ZEB1: variants seen among roughly 807,000 people sequenced by gnomAD.
ZEB1 encodes zinc finger E-box binding homeobox 1.
ZEB1 carries 21 observed loss-of-function variants against 84.9 expected under a neutral mutation model. The ratio of observed to expected loss-of-function variants is 0.25; its 90% CI spans 0.18 to 0.36. ZEB1 has a LOEUF of 0.36. Among genes scored for constraint, ZEB1 ranks in the 10% least tolerant of loss-of-function variants. The probability of loss-of-function intolerance (pLI) is 1.00; values close to 1 mark genes in which losing one functional copy is unlikely to be tolerated. For missense variants in ZEB1, 1,104 were observed against 1,330.2 expected (o/e 0.83, Z 2.65); for synonymous variants, 420 against 471.1 (o/e 0.89, Z 1.41).
intron 1 of ZEB1, chr10:31,355,295 A>C (rs185537274): frequency 6.6e-6 from 1 of 152,252 alleles, no homozygotes; most frequent in South Asian, 2.1e-4. Flanking sequence ...GCTGTATACT[A>C]TGCTGCATTT....
intron 1 of ZEB1, among the ~76,000 whole-genome samples, chr10:31,421,175 T>C (rs564922608): frequency 1.3e-5 from 2 of 152,196 alleles, no homozygotes; most frequent in East Asian, 1.9e-4. Context: ...GCATGGATGA[T>C]TGGGAGAACC....
chr10:31,324,822 C>A (rs997934607), intron 1 of ZEB1, among the ~76,000 whole-genome samples: 2 of 151,922 alleles, frequency 1.3e-5, no homozygotes, highest in African/African-American at 4.8e-5. Flanking sequence ...GTACATATTA[C>A]TGGCTAAATA....
chr10:31,371,392 T>G lies in ZEB1; in HGVS notation c.58+52100T>G, dbSNP rs112462691. 2.7e-4 allele frequency among the ~76,000 whole-genome samples: 41 copies of G among 152,350 alleles called. No individual in the cohort carries two copies. In the South Asian group the frequency reaches 7.5e-3, roughly 28 times the overall value. ...TTTCATTTGACTAAGGAATTTATCT[T>G]TGGTCTTCTCCCAGAGTGAGGACAT... On this transcript the variant is annotated intron_variant, in intron 1 of 8. Transcript: ENST00000424869.
intron 6 of ZEB1, among the ~76,000 whole-genome samples, chr10:31,519,408 A>G (rs569602812): frequency 3.9e-4 from 59 of 152,312 alleles, no homozygotes; most frequent in Middle Eastern, 6.8e-3. Flanking sequence ...CTACTTTGAC[A>G]GTGCGTGGCT....
intron 2 of ZEB1, among the ~76,000 whole-genome samples, chr10:31,462,096 G>A (rs964603727): frequency 2.0e-5 from 3 of 152,200 alleles, no homozygotes; most frequent in Admixed American, 6.5e-5. Context: ...CAAAGAGGTC[G>A]TCTAGACAAG....
intron 1 of ZEB1, among the ~76,000 whole-genome samples, chr10:31,410,585 G>A (rs1408783830): frequency 2.6e-5 from 4 of 152,156 alleles, no homozygotes; most frequent in African/African-American, 7.2e-5. Flanking sequence ...AATGGTAGCA[G>A]CTCCTTTTTG....
At chr10:31,329,558 A>G (rs1031114290) in intron 1 of ZEB1, among the ~76,000 whole-genome samples, 5 of 152,176 alleles carry the variant, frequency 3.3e-5, no homozygotes, top group Non-Finnish European at 5.9e-5. Flanking sequence ...TTAAGAGTAC[A>G]GTTATAGTAC....
chr10:31,444,665 T>C (rs1362494872), intron 1 of ZEB1, among the ~76,000 whole-genome samples: 1 of 152,018 alleles, frequency 6.6e-6, no homozygotes, highest in Non-Finnish European at 1.5e-5. Context: ...ATTTGTTAAA[T>C]AGGGAATCCT....
chr10:31,509,366 C>G (rs993924340), intron 4 of ZEB1, among the ~76,000 whole-genome samples: 1 of 152,164 alleles, frequency 6.6e-6, no homozygotes, highest in Non-Finnish European at 1.5e-5. Flanking sequence ...CTTACTCTTT[C>G]CCTGCATTGG....
intron 2 of ZEB1, among the ~76,000 whole-genome samples, chr10:31,468,664 G>T (rs1259388617): frequency 6.6e-6 from 1 of 152,162 alleles, no homozygotes; most frequent in African/African-American, 2.4e-5. Flanking sequence ...AAGGCTATCT[G>T]TAACCAAGGA....
At chr10:31,348,492 T>C (rs1009813888) in intron 1 of ZEB1, among the ~76,000 whole-genome samples, 5 of 151,912 alleles carry the variant, frequency 3.3e-5, no homozygotes, top group Non-Finnish European at 7.4e-5. Context: ...TGCACCTGGG[T>C]GGTGGAGGTT....
intron 1 of ZEB1, chr10:31,361,202 A>G (rs1295236422): frequency 1.4e-5 from 22 of 1,611,540 alleles, no homozygotes; most frequent in South Asian, 5.5e-5. Flanking sequence ...CTCAACTACA[A>G]CATCGTTTCA....
intron 1 of ZEB1, among the ~76,000 whole-genome samples, chr10:31,455,639 C>T (rs1207863419): frequency 1.3e-5 from 2 of 152,162 alleles, no homozygotes; most frequent in Admixed American, 1.3e-4. Flanking sequence ...TTTATGCAGC[C>T]AGCAGACATA....
chr10:31,479,325 A>G (rs905299723), intron 2 of ZEB1, among the ~76,000 whole-genome samples: 3 of 151,950 alleles, frequency 2.0e-5, no homozygotes, highest in African/African-American at 7.2e-5. Flanking sequence ...ATTAATGACA[A>G]GTGGTCAACT....
At chr10:31,461,707 T>G (rs1196898879) in intron 2 of ZEB1, among the ~76,000 whole-genome samples, 1 of 152,108 alleles carries the variant, frequency 6.6e-6, no homozygotes, top group Non-Finnish European at 1.5e-5. Flanking sequence ...TCACTTTAAA[T>G]TTTTACTTTT....
At chr10:31,324,150 T>TA (rs1473166753) in intron 1 of ZEB1, among the ~76,000 whole-genome samples, 7 of 152,000 alleles carry the variant, frequency 4.6e-5, no homozygotes, top group Non-Finnish European at 8.8e-5. Context: ...GAGCAAAACT[T>TA]AAAGTATCTT....
At chr10:31,450,658 A>G (rs1391231152) in intron 1 of ZEB1, among the ~76,000 whole-genome samples, 3 of 152,162 alleles carry the variant, frequency 2.0e-5, no homozygotes, top group African/African-American at 7.2e-5. Context: ...ATAATCATTT[A>G]TTATGATACT....
rs746175363 is a variant in ZEB1, at chr10:31,460,991, G to A, written c.59-46G>A. The A allele has an allele frequency of 2.7e-6, 4 of 1,470,836 alleles. No homozygotes were observed. In the Admixed American group the frequency reaches 5.2e-5, roughly 19 times the overall value. 91.1% of individuals were successfully genotyped at this position (1,470,836 alleles called of 1,614,324 possible). On this transcript the variant is annotated intron_variant, in intron 1 of 8. Coordinates refer to ENST00000424869, the MANE Select transcript of ZEB1 (RefSeq NM_001174096.2). ...TTTTTCTGAGATGTAAAAACTGATT[G>A]TTTTACTAGTTGGTTTTGATTATTT...
chr10:31,473,695 A>T (rs1358988714), intron 2 of ZEB1, among the ~76,000 whole-genome samples: 2 of 149,746 alleles, frequency 1.3e-5, no homozygotes, highest in Non-Finnish European at 3.0e-5. Context: ...TCTTCACAGA[A>T]TTGGAAAAAA....
Sources: allele counts gnomAD v4.1 joint callset (sites outside exome capture counted in the v4.1 genomes callset), GRCh38; gene constraint gnomAD v4.1.1; transcripts MANE v1.5; gene names NCBI Gene and HGNC (gene_info 2026-07-23, HGNC 2026-07-21).